The following PREX2 variants were observed in gnomAD, a reference collection of about 807,000 sequenced individuals.
PREX2 encodes the protein phosphatidylinositol-3,4,5-trisphosphate dependent Rac exchange factor 2.
In PREX2, 107 loss-of-function variants were observed where a neutral mutation model predicts 203.2. The observed-to-expected ratio is 0.53, with a 90% CI of 0.45 to 0.62. PREX2 has a LOEUF of 0.62. PREX2 is among the 20% of genes least tolerant of loss of function. The pLI is 0.00. For synonymous variants in PREX2, 672 were observed against 663.6 expected, an observed-to-expected ratio of 1.01 and a Z score of -0.19; for missense variants, 1,777 against 1,955.9, an observed-to-expected ratio of 0.91 and a Z score of 1.72.
chr8:68,121,108 C>T, intron 30 of PREX2, 59 bp downstream of exon 30: 1 of 1,570,412 alleles, frequency 6.4e-7, no homozygotes, highest in Non-Finnish European at 8.6e-7. Context: ...TTAAAACCCA[C>T]TAAAACCAAA....
At chr8:67,985,637 C>T (rs1292221271) in intron 1 of PREX2, among the ~76,000 whole-genome samples, 1 of 152,154 alleles carries the variant, frequency 6.6e-6, no homozygotes, top group African/African-American at 2.4e-5. Context: ...TTAAGTAGGG[C>T]AGCTGGTGAA....
intron 35 of PREX2, among the ~76,000 whole-genome samples, chr8:68,161,181 G>A (rs1811646317): frequency 1.3e-5 from 2 of 151,408 alleles, no homozygotes; most frequent in African/African-American, 2.4e-5. Context: ...TGCAACCTCT[G>A]CCTCCTGGAT....
At chr8:68,191,677 C>A in intron 35 of PREX2, 45 bp from the exon 36 acceptor site, 1 of 1,393,612 alleles carries the variant, frequency 7.2e-7, no homozygotes, top group Non-Finnish European at 1.0e-6. Context: ...CATATTATGT[C>A]TTTTCCTAAC....
At chr8:68,105,098 AAC>A (rs749956748) in intron 23 of PREX2, 2 of 1,357,146 alleles carry the variant, frequency 1.5e-6, no homozygotes, top group East Asian at 9.1e-5. Flanking sequence ...CTCATGCATG[AAC>A]CACCATCAAT....
chr8:67,979,241 G>A (rs1374933639), intron 1 of PREX2, among the ~76,000 whole-genome samples: 4 of 152,172 alleles, frequency 2.6e-5, no homozygotes, highest in African/African-American at 9.7e-5. Flanking sequence ...CAACTGAAAA[G>A]CATCTTAGGG....
chr8:68,021,874 T>G (rs931250692), intron 3 of PREX2, among the ~76,000 whole-genome samples, 162 bp from the exon 4 acceptor site: 1 of 152,182 alleles, frequency 6.6e-6, no homozygotes, highest in African/African-American at 2.4e-5. Flanking sequence ...CTGTTCTTCA[T>G]GGGCCAGGGA....
At chr8:68,103,922 T>G (rs1007856136) in intron 23 of PREX2, among the ~76,000 whole-genome samples, 2 of 152,162 alleles carry the variant, frequency 1.3e-5, no homozygotes, top group Admixed American at 6.5e-5. Flanking sequence ...GCGATCTCAT[T>G]CAGGGTCCTG....
At position 68,024,373 on chromosome 8, in the gene PREX2, C is replaced by T. The variant is rs115738560; in HGVS notation, c.441+2233C>T. On this transcript the variant is annotated intron_variant, in intron 4 of 39. Coordinates refer to ENST00000288368, the MANE Select transcript of PREX2 (RefSeq NM_024870.4). ...ATTTTGGGACTCTGTTAGATATGCA[C>T]GCATTCATAATTGTTAGATTCATAT... 7.6e-3 allele frequency among the ~76,000 whole-genome samples: 1,160 copies of T among 152,008 alleles called. 21 individuals carry two copies. The highest frequency in any genetic ancestry group is 0.026 in the African/African-American group (1,075 of 41,472).
At chr8:68,177,859 A>G (rs1812012441) in intron 35 of PREX2, among the ~76,000 whole-genome samples, 1 of 152,052 alleles carries the variant, frequency 6.6e-6, no homozygotes, top group Admixed American at 6.6e-5. Context: ...CTCAGCGTTT[A>G]GCTTCCACTT....
Position 68,043,505 on chromosome 8 carries a change from G to A in PREX2, c.840-982G>A, listed in dbSNP as rs550329517. ...ACTGCACGGGATAGGAAGAGGGGGC[G>A]TTGCAGTTTGTGTACAGCTACATCT... On this transcript the variant is annotated intron_variant, in intron 7 of 39. Coordinates refer to ENST00000288368, the MANE Select transcript of PREX2 (RefSeq NM_024870.4). 8.5e-5 allele frequency among the ~76,000 whole-genome samples: 13 copies of A among 152,048 alleles called. No individual in the cohort carries two copies. In the South Asian group the frequency reaches 1.2e-3, roughly 15 times the overall value.
chr8:67,972,035 G>A (rs1805940339), intron 1 of PREX2, among the ~76,000 whole-genome samples: 1 of 152,198 alleles, frequency 6.6e-6, no homozygotes, highest in African/African-American at 2.4e-5. Flanking sequence ...GCATGCCAAG[G>A]GAGATTTGAA....
In PREX2 at chr8:68,090,528, A is replaced by G. The variant is rs56120247; in HGVS notation, c.2114-51A>G. 4.3e-3 allele frequency: 6,567 copies of G among 1,516,296 alleles called. 19 individuals are homozygous for G. The highest frequency in any genetic ancestry group is 5.4e-3 in the Non-Finnish European group (5,968 of 1,101,196). The allele number at this position is 1,516,296 out of a possible 1,614,324, so 93.9% of individuals were successfully genotyped here. A position where few individuals can be genotyped will look rare whatever the true frequency, so the allele number is the denominator to read the frequency against. The stretch of plus-strand genomic sequence containing the variant: ...CATAATTGTATATATCATACAAATG[A>G]ATCTTATTCCTGAAATTTGTTTTTG... On this transcript the variant is annotated intron_variant, in intron 19 of 39. Coordinates refer to ENST00000288368, the MANE Select transcript of PREX2 (RefSeq NM_024870.4).
chr8:68,038,333 T>A, intron 7 of PREX2, 41 bp downstream of exon 7: 1 of 1,601,826 alleles, frequency 6.2e-7, no homozygotes, highest in Non-Finnish European at 8.5e-7. Context: ...GTGGTCACAG[T>A]TTCTACCTTT....
chr8:68,017,954 G>T, intron 2 of PREX2, 37 bp downstream of exon 2: 1 of 1,535,040 alleles, frequency 6.5e-7, no homozygotes, highest in Non-Finnish European at 9.0e-7. Context: ...CTGAGCATGA[G>T]TTTCCTATAG....
At chr8:68,184,107 A>G (rs985759969) in intron 35 of PREX2, among the ~76,000 whole-genome samples, 1 of 152,152 alleles carries the variant, frequency 6.6e-6, no homozygotes, top group African/African-American at 2.4e-5. Context: ...GCTGATGCTT[A>G]TGGGCATGGG....
At chr8:68,155,591 A>G (rs1811528658) in intron 34 of PREX2, among the ~76,000 whole-genome samples, 2 of 152,226 alleles carry the variant, frequency 1.3e-5, no homozygotes. Flanking sequence ...TTTAGAAACT[A>G]GTGCATTTAG....
intron 19 of PREX2, among the ~76,000 whole-genome samples, chr8:68,090,173 A>G (rs1409841828): frequency 6.6e-6 from 1 of 152,262 alleles, no homozygotes; most frequent in Non-Finnish European, 1.5e-5. Context: ...TTTAAAAAAC[A>G]GAAGTGAATA....
At chr8:68,032,468 GT>G in intron 6 of PREX2, among the ~76,000 whole-genome samples, 1 of 152,294 alleles carries the variant, frequency 6.6e-6, no homozygotes, top group African/African-American at 2.4e-5. Flanking sequence ...GAGATTGGGA[GT>G]TTTGGGACTT....
chr8:68,135,870 A>G (rs1448456950), intron 32 of PREX2, among the ~76,000 whole-genome samples: 4 of 152,238 alleles, frequency 2.6e-5, no homozygotes, highest in Non-Finnish European at 4.4e-5. Context: ...TGATGTGTCC[A>G]TATAATGGAA....
Sources: gnomAD v4.1 joint callset for allele counts (sites outside exome capture counted in the v4.1 genomes callset) on GRCh38, gnomAD v4.1.1 for gene constraint, MANE v1.5 for transcripts, NCBI Gene and HGNC (gene_info 2026-07-23, HGNC 2026-07-21) for gene names.